Variants in SYNE2 observed in about 807,000 individuals in gnomAD.
SYNE2 encodes spectrin repeat containing nuclear envelope protein 2.
A neutral mutation model predicts 856.3 loss-of-function variants in SYNE2; 431 were observed. The observed-to-expected ratio is 0.50, with a 90% confidence interval of 0.47 to 0.55. The LOEUF is 0.55. SYNE2 is among the 20% of genes least tolerant of loss of function. The pLI is 0.00. For synonymous variants in SYNE2, 2,923 were observed against 2,872.3 expected, an observed-to-expected ratio of 1.02 and a Z score of -0.56; for missense variants, 8,129 against 8,023.2, an observed-to-expected ratio of 1.01 and a Z score of -0.50.
At position 64,030,032 on chromosome 14, in the gene SYNE2, G is replaced by T; in HGVS notation, c.6852G>T (p.Ala2284=). 1 of 1,613,982 alleles carries T rather than the reference G, an allele frequency of 6.2e-7. No homozygotes were observed. Among genetic ancestry groups the T allele is most frequent in the Non-Finnish European group, 8.5e-7 (1 of 1,179,970 alleles). The stretch of plus-strand genomic sequence containing the variant: ...CTGATAAGCCTGTGGATCAAATAGC[G>T]GTTGAGGAAAAATTGCAGAAACTGC... ...SFSDKPVDQI[A]VEEKLQKLQE... The change falls in exon 44 of 116, where the codon GCG becomes GCT. Residue 2284 remains alanine (A), a synonymous_variant. Transcript: ENST00000555002.
At chr14:63,964,829 A>G (rs950338522) in intron 10 of SYNE2, among the ~76,000 whole-genome samples, 2 of 152,070 alleles carry the variant, frequency 1.3e-5, no homozygotes, top group Non-Finnish European at 2.9e-5. Flanking sequence ...CGGCCCCAGA[A>G]CATGCTTTTT....
chr14:64,004,431 G>A (rs1342027947), intron 30 of SYNE2, among the ~76,000 whole-genome samples: 1 of 151,498 alleles, frequency 6.6e-6, no homozygotes, highest in East Asian at 1.9e-4. Context: ...CCCAGGTTTA[G>A]GCGATTCTTC....
intron 1 of SYNE2, among the ~76,000 whole-genome samples, chr14:63,792,677 G>T (rs66843205): frequency 6.1e-4 from 34 of 56,044 alleles, no homozygotes; most frequent in South Asian, 2.2e-3. Flanking sequence ...TTGTTTGTTT[G>T]TTTTTTAGAG....
At chr14:64,107,438 C>A in intron 64 of SYNE2, 53 bp from the exon 65 acceptor site, 1 of 1,469,412 alleles carries the variant, frequency 6.8e-7, no homozygotes, top group South Asian at 1.1e-5. Flanking sequence ...AAGAAGAATT[C>A]ATGTGGCACC....
chr14:64,224,457 T>A lies in SYNE2; in HGVS notation c.20383-4T>A. The A allele has an allele frequency of 6.2e-7, 1 of 1,613,854 alleles. No homozygotes were observed. ...GTGCTCAACCTTTGGGGTCTGAATT[T>A]CAGAACCCAGCCTCACCCCTGCCCA... is the stretch of plus-strand genomic sequence containing the variant. On this transcript the variant is annotated splice_region_variant and splice_polypyrimidine_tract_variant and intron_variant, in intron 113 of 115. Coordinates refer to ENST00000555002, the MANE Select transcript of SYNE2 (RefSeq NM_182914.3).
intron 49 of SYNE2, among the ~76,000 whole-genome samples, chr14:64,056,497 T>A (rs543524982): frequency 6.6e-6 from 1 of 151,882 alleles, no homozygotes; most frequent in African/African-American, 2.4e-5. Flanking sequence ...CTATTTAATA[T>A]TGGGTACACA....
At chr14:64,223,448 T>TAGCA in intron 113 of SYNE2, 68 bp downstream of exon 113, 1 of 1,565,704 alleles carries the variant, frequency 6.4e-7, no homozygotes, top group Non-Finnish European at 8.8e-7. Context: ...AGCAGTGTTG[T>TAGCA]AGCAATGCTC....
intron 7 of SYNE2, among the ~76,000 whole-genome samples, chr14:63,953,248 A>T (rs1002231627): frequency 6.6e-6 from 1 of 152,176 alleles, no homozygotes; most frequent in Admixed American, 6.5e-5. Flanking sequence ...CCTTTAGTGC[A>T]GGTGGTAAGG....
intron 1 of SYNE2, among the ~76,000 whole-genome samples, chr14:63,870,868 C>G (rs1468725297): frequency 6.6e-6 from 1 of 152,132 alleles, no homozygotes; most frequent in Non-Finnish European, 1.5e-5. Flanking sequence ...TTAACCCTAT[C>G]AGCACATGGA....
chr14:64,049,828 T>C lies in SYNE2; in HGVS notation c.7595T>C (p.Val2532Ala). The C allele has an allele frequency of 6.2e-7, 1 of 1,614,100 alleles. No individual in the cohort carries two copies. The highest frequency in any genetic ancestry group is 8.5e-7 in the Non-Finnish European group (1 of 1,180,014). ...LRDFQEYLAA[V>A]ESSMKALLTD... The stretch of plus-strand genomic sequence containing the variant: ...GATTTTCAGGAATACCTTGCTGCAG[T>C]TGAATCTTCAATGAAAGCCTTGTTG... Residue 2532 changes from valine (V) to alanine (A), a missense_variant, in exon 47 of 116, where the codon GTT becomes GCT. Val to Ala is a moderately conservative substitution (Grantham distance 64). Around this residue, in one of 3 missense-constraint regions of SYNE2, gnomAD observed 5,410 missense variants for 5,284.8 expected, o/e 1.02. Transcript: ENST00000555002.
intron 109 of SYNE2, 107 bp downstream of exon 109, chr14:64,218,619 C>A (rs180726753): frequency 2.8e-6 from 3 of 1,075,782 alleles, no homozygotes; most frequent in Middle Eastern, 2.2e-4. Context: ...TTCGCCAGAA[C>A]TGGGGGACTT....
chr14:64,071,043 A>G, intron 52 of SYNE2, 133 bp downstream of exon 52: 2 of 880,386 alleles, frequency 2.3e-6, no homozygotes, highest in Non-Finnish European at 3.5e-6. Context: ...AGGTATAAAA[A>G]GGGATGGAAC....
chr14:63,953,234 GTC>G (rs994860572), intron 7 of SYNE2, among the ~76,000 whole-genome samples: 7 of 152,222 alleles, frequency 4.6e-5, no homozygotes, highest in Non-Finnish European at 8.8e-5. Flanking sequence ...CAGGGAGAGT[GTC>G]TCCTTTAGTG....
intron 63 of SYNE2, among the ~76,000 whole-genome samples, chr14:64,100,524 AAAAAAAAATATATATATAT>A (rs1567297470): frequency 3.9e-5 from 3 of 76,194 alleles, no homozygotes; most frequent in African/African-American, 2.2e-4. Context: ...CAAAAAAAAA[AAAAAAAAATATATATATAT>A]ATATATATAT....
At chr14:63,843,325 T>A (rs1310388721) in intron 1 of SYNE2, among the ~76,000 whole-genome samples, 1 of 152,100 alleles carries the variant, frequency 6.6e-6, no homozygotes, top group African/African-American at 2.4e-5. Flanking sequence ...GGATTACAGG[T>A]GTGATCCACT....
At chr14:64,015,092 G>GTA (rs60076673) in intron 32 of SYNE2, among the ~76,000 whole-genome samples, 5,507 of 144,900 alleles carry the variant, frequency 0.038, 327 homozygotes, top group African/African-American at 0.12. Flanking sequence ...TATATAACGT[G>GTA]TATATATATA....
At chr14:64,172,414 G>A (rs900685532) in intron 94 of SYNE2, among the ~76,000 whole-genome samples, 2 of 152,160 alleles carry the variant, frequency 1.3e-5, no homozygotes, top group African/African-American at 4.8e-5. Context: ...GCAAGGAGCT[G>A]GGACAGTGGA....
At chr14:64,145,751 C>T (rs546616391) in intron 83 of SYNE2, among the ~76,000 whole-genome samples, 2 of 152,200 alleles carry the variant, frequency 1.3e-5, no homozygotes, top group African/African-American at 2.4e-5. Context: ...TTATACTTTA[C>T]ATATATTAAT....
intron 2 of SYNE2, among the ~76,000 whole-genome samples, chr14:63,917,014 C>T (rs1595619110): frequency 6.6e-6 from 1 of 151,936 alleles, no homozygotes; most frequent in South Asian, 2.1e-4. Flanking sequence ...CTCTTGAGCC[C>T]AAGAGTTGAG....
Sources: gnomAD v4.1 joint callset for allele counts (sites outside exome capture counted in the v4.1 genomes callset) on GRCh38, gnomAD v4.1.1 for gene constraint, gnomAD v4.1.1 regional missense constraint, MANE v1.5 for transcripts, NCBI Gene and HGNC (gene_info 2026-07-23, HGNC 2026-07-21) for gene names.